Variants in THSD1 observed in about 807,000 individuals in gnomAD.
THSD1 encodes the protein thrombospondin type 1 domain containing 1.
In THSD1, 34 loss-of-function variants were observed where a neutral mutation model predicts 46.3. The ratio of observed to expected loss-of-function variants is 0.74; its 90% CI spans 0.56 to 0.98. THSD1 has a LOEUF of 0.98. Ranked by LOEUF, THSD1 falls within the 50% of genes least tolerant of loss-of-function variation. The pLI is 0.00. For synonymous variants in THSD1, 407 were observed against 416.5 expected (o/e 0.98, Z 0.28); for missense variants, 1,023 against 1,058.3 (o/e 0.97, Z 0.46).
Position 52,377,495 on chromosome 13 carries a change from C to T in THSD1, c.2475G>A (p.Arg825=). 1 of 1,587,034 alleles carries T rather than the reference C, an allele frequency of 6.3e-7. No homozygotes were observed. Among genetic ancestry groups the T allele is most frequent in the Non-Finnish European group, 8.6e-7 (1 of 1,159,854 alleles). ...TSFGLTEAEQ[R]MLDLPGYFGS... ...CAAAATATCCTGGGAGGTCCAGCATCCTCTGCTCAGCCTCAGTGAGGCCAA... is the reference window on the plus strand; with the variant it reads ...CAAAATATCCTGGGAGGTCCAGCATTCTCTGCTCAGCCTCAGTGAGGCCAA... The change falls in exon 5 of 5, where the codon AGG becomes AGA. Residue 825 remains arginine (R), a synonymous_variant. Coordinates refer to ENST00000258613, the MANE Select transcript of THSD1 (RefSeq NM_018676.4).
intron 1 of THSD1, among the ~76,000 whole-genome samples, chr13:52,405,795 T>C (rs1957901648): frequency 6.6e-6 from 1 of 152,234 alleles, no homozygotes. Context: ...CGGCAACATC[T>C]GAGCCAAGGC....
rs538615273 is a variant in THSD1, at chr13:52,378,628, G to C, written c.1342C>G (p.Pro448Ala). The change falls in exon 5 of 5, where the codon CCT (proline) becomes GCT (alanine). Residue 448 changes from proline (P) to alanine (A), a missense_variant. Pro to Ala is a conservative substitution (Grantham distance 27). Around this residue, in one of 3 missense-constraint regions of THSD1, gnomAD observed 578 missense variants for 497.4 expected, o/e 1.16. Transcript: ENST00000258613. ...GAGTGGATGGAGTTGTGTCGAGCAG[G>C]TGTGCTGCACTTGGCTGGCCGGCCG... Reference protein sequence around the residue: ...RFGRPAKCSTPARHNSIHSPS... With the variant: ...RFGRPAKCSTAARHNSIHSPS... 6.2e-7 allele frequency: 1 copy of C among 1,614,100 alleles called. No homozygotes were observed. The highest frequency in any genetic ancestry group is 2.2e-5 in the East Asian group (1 of 44,842).
intron 4 of THSD1, 103 bp downstream of exon 4, chr13:52,385,925 T>C (rs893092025): frequency 6.7e-6 from 7 of 1,050,220 alleles, no homozygotes; most frequent in Non-Finnish European, 9.7e-6. Context: ...TTAATGAGTC[T>C]ACTCCTGATC....
chr13:52,377,983 G>T lies in THSD1; in HGVS notation c.1987C>A (p.Arg663=), dbSNP rs551386140. The change falls in exon 5 of 5, where the codon CGG becomes AGG. Residue 663 remains arginine (R), a synonymous_variant. Coordinates refer to ENST00000258613, the MANE Select transcript of THSD1 (RefSeq NM_018676.4). ...GACATGCTCCTCTCTCGGAACGGCC[G>T]GGCCTGCCTGGCTTCATGGAAACTC... is the stretch of plus-strand genomic sequence containing the variant. ...TASFHEARQA[R]PFRERSMSTL... 1 of 1,613,994 alleles carries T rather than the reference G, an allele frequency of 6.2e-7. No homozygotes were observed. The highest frequency in any genetic ancestry group is 1.3e-5 in the African/African-American group (1 of 74,918).
intron 2 of THSD1, among the ~76,000 whole-genome samples, chr13:52,401,443 C>A (rs1397923681): frequency 1.3e-5 from 2 of 151,796 alleles, no homozygotes; most frequent in Non-Finnish European, 2.9e-5. Flanking sequence ...GGACTACAGG[C>A]ACCTGCCACC....
chr13:52,390,626 AG>A (rs1745071236), intron 3 of THSD1, among the ~76,000 whole-genome samples: 1 of 152,196 alleles, frequency 6.6e-6, no homozygotes, highest in Admixed American at 6.5e-5. Context: ...CTGCTTGAAA[AG>A]CTTTGAGAAT....
chr13:52,384,478 A>G (rs1179923969), intron 4 of THSD1: 3 of 450,566 alleles, frequency 6.7e-6, no homozygotes, highest in Non-Finnish European at 1.3e-5. Context: ...GTCCTTAGAA[A>G]AATGCCTGGC....
rs1392893829 is a variant in THSD1 at position 52,378,544 on chromosome 13, C to A, written c.1426G>T (p.Gly476Trp). The change falls in exon 5 of 5, where the codon GGG becomes TGG. Residue 476 changes from glycine (G) to tryptophan (W), a missense_variant. Around this residue, in one of 3 missense-constraint regions of THSD1, gnomAD observed 578 missense variants for 497.4 expected, o/e 1.16. Coordinates refer to ENST00000258613, the MANE Select transcript of THSD1 (RefSeq NM_018676.4). ...ENICELSEQR[G>W]SFSDGGDGPT... Reference sequence around the variant, plus strand: ...CCGTCTCCCCCATCCGAGAAGCTCCCGCGCTGCTCGCTCAGCTCGCAGATA... The same window carrying A: ...CCGTCTCCCCCATCCGAGAAGCTCCAGCGCTGCTCGCTCAGCTCGCAGATA... The A allele has an allele frequency of 3.2e-5, 51 of 1,614,052 alleles. No individual in the cohort carries two copies. Among genetic ancestry groups the A allele is most frequent in the Non-Finnish European group, 4.0e-5 (47 of 1,180,054 alleles).
Position 52,402,549 on chromosome 13 carries a change from C to A in THSD1, c.52G>T (p.Asp18Tyr). The change falls in exon 2 of 5, where the codon GAC becomes TAC. Residue 18 changes from aspartate (D) to tyrosine (Y), a missense_variant. This residue lies in a region of THSD1 where 429 missense variants were observed against 518.3 expected (regional missense o/e 0.83). Coordinates refer to ENST00000258613, the MANE Select transcript of THSD1 (RefSeq NM_018676.4). Reference sequence around the variant, plus strand: ...GTATACTCACAATACTCACCATAGTCACAGAGTACCACCAACAATAGATTT... The same window carrying A: ...GTATACTCACAATACTCACCATAGTAACAGAGTACCACCAACAATAGATTT... ...FSNLLLVVLC[D>Y]YVLGEAEYLL... 1 of 1,613,800 alleles carries A rather than the reference C, an allele frequency of 6.2e-7. No homozygotes were observed. The highest frequency in any genetic ancestry group is 1.1e-5 in the South Asian group (1 of 91,056).
chr13:52,380,297 A>G (rs73486115), intron 4 of THSD1, among the ~76,000 whole-genome samples: 2,017 of 149,348 alleles, frequency 0.014, 31 homozygotes, highest in African/African-American at 0.04. Flanking sequence ...TTGTATCACC[A>G]CCAGCTCTGT....
intron 3 of THSD1, among the ~76,000 whole-genome samples, chr13:52,389,693 G>T (rs1011888541): frequency 6.6e-6 from 1 of 152,052 alleles, no homozygotes; most frequent in African/African-American, 2.4e-5. Flanking sequence ...AATTCAGCAA[G>T]GAACCTTAAT....
At chr13:52,381,706 A>G (rs1594096839) in intron 4 of THSD1, among the ~76,000 whole-genome samples, 1 of 152,182 alleles carries the variant, frequency 6.6e-6, no homozygotes, top group Non-Finnish European at 1.5e-5. Flanking sequence ...CCTCTGCAGC[A>G]ATTATCTCCA....
chr13:52,398,820 G>A (rs1392600827), intron 2 of THSD1, among the ~76,000 whole-genome samples: 1 of 148,170 alleles, frequency 6.7e-6, no homozygotes, highest in Non-Finnish European at 1.5e-5. Context: ...CAAAGATTCT[G>A]GTGTTTAGAT....
chr13:52,381,463 C>T (rs751934352), intron 4 of THSD1, among the ~76,000 whole-genome samples: 59 of 152,196 alleles, frequency 3.9e-4, no homozygotes, highest in Non-Finnish European at 7.6e-4. Flanking sequence ...TCTTAAGCCC[C>T]CTATCCAATC....
intron 3 of THSD1, among the ~76,000 whole-genome samples, chr13:52,394,179 A>T (rs958665420): frequency 1.3e-5 from 2 of 152,228 alleles, no homozygotes; most frequent in Non-Finnish European, 2.9e-5. Context: ...TGGAAAGCCC[A>T]GCAGCTGGGA....
chr13:52,377,922 G>C lies in THSD1; in HGVS notation c.2048C>G (p.Ser683Cys), dbSNP rs1298066145. The C allele has an allele frequency of 1.2e-6, 2 of 1,614,196 alleles. No homozygotes were observed. The highest frequency in any genetic ancestry group is 1.7e-6 in the Non-Finnish European group (2 of 1,180,036). Residue 683 changes from serine (S) to cysteine (C), a missense_variant, in exon 5 of 5, where the codon TCT (serine) becomes TGT (cysteine). Physicochemically the swap from Ser to Cys is moderately radical, Grantham distance 112. Coordinates refer to ENST00000258613, the MANE Select transcript of THSD1 (RefSeq NM_018676.4). ...LTPRQAPAYS[S>C]RTRTCEQAED... ...TGCCTGCTCGCAGGTCCGCGTCCTA[G>C]AGCTGTAGGCAGGGGCCTGCCGTGG...
Position 52,377,769 on chromosome 13 carries a change from G to C in THSD1, c.2201C>G (p.Pro734Arg), listed in dbSNP as rs1957646043. 6.2e-7 allele frequency: 1 copy of C among 1,614,142 alleles called. No individual in the cohort carries two copies. The highest frequency in any genetic ancestry group is 1.3e-5 in the African/African-American group (1 of 75,038). Residue 734 changes from proline to arginine, a missense_variant, in exon 5 of 5, where the codon CCC becomes CGC. Pro to Arg is a moderately radical substitution (Grantham distance 103). This residue lies in a region of THSD1 where 578 missense variants were observed against 497.4 expected (regional missense o/e 1.16). Coordinates refer to ENST00000258613, the MANE Select transcript of THSD1 (RefSeq NM_018676.4). The stretch of plus-strand genomic sequence containing the variant: ...ATCCCCAAGGTCTGGTTTCCTCAAG[G>C]GCTGCCCCAAAGTGTAGGATTTAGG... ...PLPKSYTLGQPLRKPDLGDHQ... is the reference protein window; with the variant it reads ...PLPKSYTLGQRLRKPDLGDHQ...
intron 4 of THSD1, among the ~76,000 whole-genome samples, chr13:52,379,331 G>A (rs1957673240): frequency 6.6e-6 from 1 of 152,088 alleles, no homozygotes; most frequent in African/African-American, 2.4e-5. Flanking sequence ...ATCACCAAAG[G>A]GGAAACACTG....
chr13:52,386,128 G>GAC lies in THSD1; in HGVS notation c.1078_1079dup (p.Arg361SerfsTer50), dbSNP rs748011137. On this transcript the variant is annotated frameshift_variant, in exon 4 of 5. Transcript: ENST00000258613. LOFTEE classifies it high-confidence loss of function. ...TGAGACACACTCGGCGACGCTCTCT[G>GAC]ACACCATCCCCACATGTGGCACTAC... The GAC allele has an allele frequency of 5.0e-6, 8 of 1,614,062 alleles. No homozygotes were observed.
Sources: allele counts gnomAD v4.1 joint callset (sites outside exome capture counted in the v4.1 genomes callset), GRCh38; gene constraint gnomAD v4.1.1; regional missense constraint gnomAD v4.1.1; transcripts MANE v1.5; gene names NCBI Gene and HGNC (gene_info 2026-07-23, HGNC 2026-07-21).